SRRM4: variants seen among roughly 807,000 people sequenced by gnomAD.
The protein encoded by SRRM4 is serine/arginine repetitive matrix protein 4.
A neutral mutation model predicts 68.9 loss-of-function variants in SRRM4; 33 were observed. That is an observed-to-expected ratio of 0.48 (90% CI 0.36 to 0.64). The LOEUF (loss-of-function observed/expected upper bound fraction) is 0.64, where lower values mean the gene tolerates loss of function less well. Ranked by LOEUF, SRRM4 falls within the 30% of genes least tolerant of loss-of-function variation. SRRM4 has a pLI of 0.00. For synonymous variants in SRRM4, 318 were observed against 318.8 expected, an observed-to-expected ratio of 1.00 and a Z score of 0.03; for missense variants, 817 against 827.1, an observed-to-expected ratio of 0.99 and a Z score of 0.15.
At chr12:119,056,233 A>T (rs1208377420) in intron 1 of SRRM4, among the ~76,000 whole-genome samples, 1 of 152,224 alleles carries the variant, frequency 6.6e-6, no homozygotes, top group Admixed American at 6.5e-5. Context: ...CATCTCCAGG[A>T]CCACAGTGCC....
At chr12:119,122,616 G>A (rs768275608) in intron 6 of SRRM4, among the ~76,000 whole-genome samples, 6 of 152,154 alleles carry the variant, frequency 3.9e-5, no homozygotes, top group Non-Finnish European at 7.3e-5. Flanking sequence ...GGAACATTGT[G>A]TGGTCTATAT....
chr12:119,026,554 T>C (rs1953549639), intron 1 of SRRM4, among the ~76,000 whole-genome samples: 1 of 151,902 alleles, frequency 6.6e-6, no homozygotes, highest in African/African-American at 2.4e-5. Flanking sequence ...TTTTTATTTA[T>C]TTATTTATTT....
At chr12:119,146,592 A>G (rs74585192) in intron 9 of SRRM4, among the ~76,000 whole-genome samples, 1 of 147,466 alleles carries the variant, frequency 6.8e-6, no homozygotes, top group Non-Finnish European at 1.5e-5. Flanking sequence ...ATCTCAAAAG[A>G]AAAAAAAAAT....
chr12:119,024,122 T>C (rs1260150908), intron 1 of SRRM4, among the ~76,000 whole-genome samples: 1 of 152,198 alleles, frequency 6.6e-6, no homozygotes, highest in Non-Finnish European at 1.5e-5. Flanking sequence ...ACTTTCTCTC[T>C]TGTCCTCAGC....
chr12:119,141,365 C>T (rs1169805312), intron 8 of SRRM4, among the ~76,000 whole-genome samples: 1 of 152,200 alleles, frequency 6.6e-6, no homozygotes, highest in Non-Finnish European at 1.5e-5. Context: ...CGAAATATCA[C>T]ATATATTCCA....
chr12:119,077,191 A>C (rs1953921842), intron 1 of SRRM4, among the ~76,000 whole-genome samples: 1 of 152,198 alleles, frequency 6.6e-6, no homozygotes, highest in Non-Finnish European at 1.5e-5. Context: ...AATGGCAATA[A>C]AATTCTCAAA....
chr12:119,057,601 G>A (rs943858152), intron 1 of SRRM4, among the ~76,000 whole-genome samples: 1 of 152,124 alleles, frequency 6.6e-6, no homozygotes, highest in Non-Finnish European at 1.5e-5. Flanking sequence ...ATCGTTGATG[G>A]GCATTTGGGT....
intron 8 of SRRM4, chr12:119,144,621 C>T (rs1592915881): frequency 6.6e-6 from 1 of 152,258 alleles, no homozygotes; most frequent in East Asian, 1.9e-4. Context: ...CCTTAGCTAC[C>T]TTCTACAAGG....
chr12:119,128,272 T>C (rs1954273448), intron 7 of SRRM4, among the ~76,000 whole-genome samples: 2 of 152,166 alleles, frequency 1.3e-5, no homozygotes, highest in South Asian at 4.1e-4. Context: ...AGCATCTCTC[T>C]ACCCTGCCTA....
chr12:119,057,893 A>G (rs1421468553), intron 1 of SRRM4, among the ~76,000 whole-genome samples: 1 of 152,160 alleles, frequency 6.6e-6, no homozygotes, highest in African/African-American at 2.4e-5. Context: ...CCATTGGTCC[A>G]GGGTTTTTTC....
rs186297800 is a variant in SRRM4, at chr12:119,105,681, T to C, written c.278+3299T>C. On this transcript the variant is annotated intron_variant, in intron 2 of 12. Coordinates refer to ENST00000267260, the MANE Select transcript of SRRM4 (RefSeq NM_194286.4). ...TTGATGGGGTTGTTTGATTTTTTTC[T>C]TGTAAATTTGTTTAAGTTCTTTGTA... is the stretch of plus-strand genomic sequence containing the variant. Among the ~76,000 whole-genome samples, 13 of 152,354 alleles carry C rather than the reference T, an allele frequency of 8.5e-5. No homozygotes were observed. In the East Asian group the frequency reaches 2.1e-3, roughly 25 times the overall value.
chr12:119,113,054 C>G (rs144062979), intron 2 of SRRM4, among the ~76,000 whole-genome samples: 246 of 152,254 alleles, frequency 1.6e-3, no homozygotes, highest in African/African-American at 5.7e-3. Flanking sequence ...TAAATAGTCT[C>G]TCCTCCAGCT....
At chr12:119,129,432 ATT>A (rs11319824) in intron 7 of SRRM4, among the ~76,000 whole-genome samples, 8 of 151,770 alleles carry the variant, frequency 5.3e-5, no homozygotes, top group African/African-American at 1.9e-4. Context: ...TTTGTCAGCC[ATT>A]TTTTTTTCAC....
intron 3 of SRRM4, among the ~76,000 whole-genome samples, chr12:119,116,112 G>C: frequency 6.6e-6 from 1 of 152,250 alleles, no homozygotes; most frequent in East Asian, 1.9e-4. Flanking sequence ...ATCCATTCAT[G>C]TTACCTGAGA....
At chr12:118,988,749 G>A (rs1953298545) in intron 1 of SRRM4, among the ~76,000 whole-genome samples, 1 of 152,180 alleles carries the variant, frequency 6.6e-6, no homozygotes, top group South Asian at 2.1e-4. Flanking sequence ...TCCCGTGGAG[G>A]AGAAAGACAA....
chr12:119,027,254 T>C (rs1221925524), intron 1 of SRRM4, among the ~76,000 whole-genome samples: 2 of 152,246 alleles, frequency 1.3e-5, no homozygotes, highest in African/African-American at 2.4e-5. Context: ...TGTATTTCTC[T>C]ATGGTTTGCA....
chr12:119,115,363 C>T (rs1954172592), intron 3 of SRRM4, among the ~76,000 whole-genome samples: 1 of 152,152 alleles, frequency 6.6e-6, no homozygotes, highest in Admixed American at 6.5e-5. Flanking sequence ...TAGGCTGCCA[C>T]TAACTAGACT....
At chr12:119,036,523 CAG>C (rs1321137452) in intron 1 of SRRM4, among the ~76,000 whole-genome samples, 9 of 152,112 alleles carry the variant, frequency 5.9e-5, no homozygotes, top group Non-Finnish European at 1.3e-4. Flanking sequence ...CCAGCAGAAA[CAG>C]AGTGTCTTGA....
intron 1 of SRRM4, among the ~76,000 whole-genome samples, chr12:119,039,432 T>C (rs1339899528): frequency 6.6e-6 from 1 of 152,082 alleles, no homozygotes. Flanking sequence ...AAATGTCCTA[T>C]TATTTTCACA....
Sources: allele counts gnomAD v4.1 joint callset (sites outside exome capture counted in the v4.1 genomes callset), GRCh38; gene constraint gnomAD v4.1.1; transcripts MANE v1.5; gene names NCBI Gene and HGNC (gene_info 2026-07-23, HGNC 2026-07-21).